Variants in HTR2C observed in about 807,000 individuals in gnomAD.
HTR2C encodes the protein 5-hydroxytryptamine (serotonin) receptor 2C, G protein-coupled.
A neutral mutation model predicts 21.0 loss-of-function variants in HTR2C; 5 were observed. The observed-to-expected ratio is 0.24, with a 90% confidence interval of 0.12 to 0.50. The LOEUF is 0.50. HTR2C is among the 20% of genes least tolerant of loss of function. The pLI is 0.98. For missense variants in HTR2C, 271 were observed against 371.2 expected, an observed-to-expected ratio of 0.73 and a Z score of 2.22; for synonymous variants, 150 against 145.3, an observed-to-expected ratio of 1.03 and a Z score of -0.23.
chrX:114,830,512 T>A (rs192781418), intron 4 of HTR2C, among the ~76,000 whole-genome samples: 1,966 of 111,445 alleles, frequency 0.018, 45 homozygotes, highest in African/African-American at 0.061. Context: ...TTAGTTGTAA[T>A]CTATAGGAGA....
intron 2 of HTR2C, among the ~76,000 whole-genome samples, chrX:114,675,988 G>A (rs1931546733): frequency 9.3e-6 from 1 of 107,763 alleles, no homozygotes; most frequent in South Asian, 4.1e-4. Context: ...TCCTGCCTCG[G>A]CCCCCCAAGT....
intron 5 of HTR2C, among the ~76,000 whole-genome samples, chrX:114,892,259 C>T (rs1358077306): frequency 8.9e-6 from 1 of 111,787 alleles, no homozygotes; most frequent in African/African-American, 3.2e-5. Context: ...TAATATTTCT[C>T]TCTTAAATGT....
At chrX:114,606,867 C>A (rs1281446503) in intron 1 of HTR2C, among the ~76,000 whole-genome samples, 1 of 110,815 alleles carries the variant, frequency 9.0e-6, no homozygotes, top group African/African-American at 3.3e-5. Context: ...CACCTGGGTG[C>A]AAGTGGGCTG....
chrX:114,853,023 C>T (rs1361192460), intron 5 of HTR2C, among the ~76,000 whole-genome samples: 1 of 111,179 alleles, frequency 9.0e-6, no homozygotes, highest in Non-Finnish European at 1.9e-5. Flanking sequence ...TGCAAGAAAG[C>T]CTCTGTTTCC....
intron 2 of HTR2C, among the ~76,000 whole-genome samples, chrX:114,679,010 A>G (rs1602682459): frequency 8.9e-6 from 1 of 111,931 alleles, no homozygotes; most frequent in African/African-American, 3.2e-5. Context: ...GCAGAAAAGT[A>G]AAATGTTGGA....
intron 2 of HTR2C, among the ~76,000 whole-genome samples, chrX:114,725,074 T>C (rs1205315967): frequency 1.8e-5 from 2 of 110,634 alleles, no homozygotes; most frequent in Non-Finnish European, 3.8e-5. Context: ...CCTTGCTAGA[T>C]TGGGGAAGTT....
chrX:114,821,379 ATTG>A (rs1406899159), intron 4 of HTR2C, among the ~76,000 whole-genome samples: 9 of 111,722 alleles, frequency 8.1e-5, no homozygotes, highest in Non-Finnish European at 7.5e-5. Flanking sequence ...CTGACAGCAT[ATTG>A]TTCATACTAG....
intron 2 of HTR2C, among the ~76,000 whole-genome samples, chrX:114,639,176 A>G (rs1468831814): frequency 8.9e-6 from 1 of 112,324 alleles, no homozygotes; most frequent in African/African-American, 3.2e-5. Context: ...AAGTAGTTCT[A>G]TAAATATTTT....
chrX:114,665,046 A>G (rs782201623), intron 2 of HTR2C, among the ~76,000 whole-genome samples: 1 of 112,535 alleles, frequency 8.9e-6, no homozygotes, highest in East Asian at 2.8e-4. Context: ...TGTATCGCAA[A>G]TAGAACAAGC....
chrX:114,767,115 A>C (rs2069954186), intron 4 of HTR2C, among the ~76,000 whole-genome samples: 1 of 111,570 alleles, frequency 9.0e-6, no homozygotes, highest in South Asian at 3.7e-4. Context: ...GGGATATATA[A>C]GAGTTTTTAT....
At chrX:114,882,325 A>G (rs902021975) in intron 5 of HTR2C, among the ~76,000 whole-genome samples, 3 of 110,475 alleles carry the variant, frequency 2.7e-5, no homozygotes, top group African/African-American at 9.8e-5. Context: ...TTTCCAATCT[A>G]GATGCATTTT....
intron 2 of HTR2C, among the ~76,000 whole-genome samples, chrX:114,618,616 A>C (rs191032451): frequency 7.3e-4 from 81 of 110,981 alleles, no homozygotes; most frequent in African/African-American, 2.5e-3. Flanking sequence ...TATTAGTCTT[A>C]GCCTTTAGTA....
intron 4 of HTR2C, chrX:114,775,661 G>T: frequency 1.9e-6 from 1 of 536,331 alleles, no homozygotes; most frequent in Non-Finnish European, 3.2e-6. Context: ...TGCCTGGACA[G>T]CTGCACCATA....
At chrX:114,662,240 A>G (rs1931016516) in intron 2 of HTR2C, among the ~76,000 whole-genome samples, 1 of 111,805 alleles carries the variant, frequency 8.9e-6, no homozygotes, top group African/African-American at 3.2e-5. Flanking sequence ...GGGTTACTGA[A>G]TATTTCACTT....
At chrX:114,591,060 TGA>T (rs1251179761) in intron 1 of HTR2C, among the ~76,000 whole-genome samples, 1 of 112,115 alleles carries the variant, frequency 8.9e-6, no homozygotes, top group African/African-American at 3.2e-5. Flanking sequence ...TGAATTGCTC[TGA>T]GTGATCACGT....
At chrX:114,595,859 C>T (rs1927821833) in intron 1 of HTR2C, among the ~76,000 whole-genome samples, 1 of 111,661 alleles carries the variant, frequency 9.0e-6, no homozygotes, top group Admixed American at 9.5e-5. Context: ...GGAAGTCTAG[C>T]TATCTGGTTG....
chrX:114,700,831 C>G (rs2147308022), intron 2 of HTR2C, among the ~76,000 whole-genome samples: 1 of 112,492 alleles, frequency 8.9e-6, no homozygotes, highest in Non-Finnish European at 1.9e-5. Flanking sequence ...CAGACGGCAC[C>G]TGGAAAATCG....
At chrX:114,803,860 AT>A (rs1298411004) in intron 4 of HTR2C, among the ~76,000 whole-genome samples, 3 of 111,904 alleles carry the variant, frequency 2.7e-5, no homozygotes, top group Admixed American at 9.6e-5. Flanking sequence ...GCTGAAAAAA[AT>A]ATTATAATTC....
chrX:114,741,524 TAAAAAA>T (rs782206973), intron 4 of HTR2C, among the ~76,000 whole-genome samples: 9 of 4,900 alleles, frequency 1.8e-3, no homozygotes, highest in East Asian at 0.016. Context: ...CGACTCCGTC[TAAAAAA>T]AAAAAAAAAA....
Sources: gnomAD v4.1 joint callset for allele counts (sites outside exome capture counted in the v4.1 genomes callset) on GRCh38, gnomAD v4.1.1 for gene constraint, MANE v1.5 for transcripts, NCBI Gene and HGNC (gene_info 2026-07-23, HGNC 2026-07-21) for gene names.